CD82: variants seen among roughly 807,000 people sequenced by gnomAD.
CD82 encodes CD82 antigen.
CD82 carries 36 observed loss-of-function variants against 37.4 expected under a neutral mutation model. The ratio of observed to expected loss-of-function variants is 0.96; its 90% CI spans 0.74 to 1.27. The LOEUF (loss-of-function observed/expected upper bound fraction) is 1.27. CD82 is among the 50% of genes most tolerant of loss of function. The pLI, the probability that CD82 is intolerant of heterozygous loss-of-function variation, is 0.00. For missense variants in CD82, 340 were observed against 347.0 expected, an observed-to-expected ratio of 0.98 and a Z score of 0.16; for synonymous variants, 158 against 137.4, an observed-to-expected ratio of 1.15 and a Z score of -1.05.
chr11:44,567,715 G>A (rs12801771), intron 1 of CD82, among the ~76,000 whole-genome samples: 2 of 152,078 alleles, frequency 1.3e-5, no homozygotes, highest in Non-Finnish European at 2.9e-5. Flanking sequence ...CTTCCTGCTC[G>A]ATGAATGACA....
At chr11:44,583,840 G>A (rs1853015268) in intron 1 of CD82, among the ~76,000 whole-genome samples, 1 of 152,156 alleles carries the variant, frequency 6.6e-6, no homozygotes, top group South Asian at 2.1e-4. Flanking sequence ...GATGGCTGCT[G>A]GCCTGTGTTG....
At chr11:44,617,789 C>T (rs1329837851) in intron 7 of CD82, among the ~76,000 whole-genome samples, 1 of 152,114 alleles carries the variant, frequency 6.6e-6, no homozygotes, top group African/African-American at 2.4e-5. Flanking sequence ...TAATTATCCC[C>T]ATTTACAGAT....
intron 3 of CD82, 140 bp downstream of exon 3, chr11:44,594,865 A>C (rs1853199388): frequency 7.3e-6 from 5 of 688,542 alleles, no homozygotes; most frequent in African/African-American, 1.7e-5. Flanking sequence ...AACTATCTCC[A>C]ACGGAACCTA....
At chr11:44,567,536 A>T (rs1293261923) in intron 1 of CD82, among the ~76,000 whole-genome samples, 1 of 152,068 alleles carries the variant, frequency 6.6e-6, no homozygotes, top group Non-Finnish European at 1.5e-5. Flanking sequence ...TTGGATCAAC[A>T]TGGGACCACA....
intron 3 of CD82, among the ~76,000 whole-genome samples, chr11:44,595,239 T>A (rs1853205577): frequency 6.6e-6 from 1 of 152,188 alleles, no homozygotes; most frequent in South Asian, 2.1e-4. Context: ...GAAGGGCACA[T>A]ACCTCCTTCC....
chr11:44,578,390 G>A (rs1852931010), intron 1 of CD82, among the ~76,000 whole-genome samples: 1 of 152,134 alleles, frequency 6.6e-6, no homozygotes, highest in African/African-American at 2.4e-5. Context: ...GTTGCCACAT[G>A]TCCCATGCCT....
chr11:44,570,003 C>A (rs1852791894), intron 1 of CD82, among the ~76,000 whole-genome samples: 1 of 152,206 alleles, frequency 6.6e-6, no homozygotes, highest in African/African-American at 2.4e-5. Flanking sequence ...TTGTTGTTTG[C>A]TGTATCTGGT....
intron 3 of CD82, among the ~76,000 whole-genome samples, chr11:44,599,927 G>A (rs1020232711): frequency 6.6e-6 from 1 of 152,204 alleles, no homozygotes; most frequent in Non-Finnish European, 1.5e-5. Context: ...ACACATGGTG[G>A]AGGGGGGCAA....
At chr11:44,590,091 C>T (rs1007104684) in intron 2 of CD82, among the ~76,000 whole-genome samples, 1 of 151,650 alleles carries the variant, frequency 6.6e-6, no homozygotes, top group Admixed American at 6.6e-5. Context: ...CCTCAGCCTC[C>T]CAAAGTGCTG....
chr11:44,605,787 T>A (rs1853385957), intron 6 of CD82, among the ~76,000 whole-genome samples: 1 of 152,174 alleles, frequency 6.6e-6, no homozygotes, highest in Admixed American at 6.5e-5. Context: ...ATTATCTGAG[T>A]GAAACACATA....
At chr11:44,578,976 A>C (rs774328298) in intron 1 of CD82, among the ~76,000 whole-genome samples, 9 of 152,028 alleles carry the variant, frequency 5.9e-5, no homozygotes, top group Non-Finnish European at 1.3e-4. Context: ...TGGGACCCAG[A>C]TGTTCATTTT....
rs1435061351 is a variant in CD82, at chr11:44,617,563, A to G, written c.439-599A>G. Among the ~76,000 whole-genome samples the G allele has an allele frequency of 6.5e-5, 7 of 108,212 alleles. No homozygotes were observed. The South Asian group carries it at 2.1e-3, about 33-fold the overall frequency. 71.0% of individuals were successfully genotyped at this position (108,212 alleles called of 152,430 possible). ...GACTGAGCAAGACTCTGTCTCAGAA[A>G]AAAAAAAAAAAAAAAAAAAGGCGGA... On this transcript the variant is annotated intron_variant, in intron 7 of 9. Coordinates refer to ENST00000227155, the MANE Select transcript of CD82 (RefSeq NM_002231.4).
intron 1 of CD82, among the ~76,000 whole-genome samples, chr11:44,572,778 G>T (rs1002136197): frequency 6.6e-6 from 1 of 152,204 alleles, no homozygotes; most frequent in African/African-American, 2.4e-5. Flanking sequence ...AATAGGGATG[G>T]GCTGCTGTGA....
At chr11:44,596,818 C>T in intron 3 of CD82, 1 of 441,358 alleles carries the variant, frequency 2.3e-6, no homozygotes, top group South Asian at 1.6e-5. Context: ...CGGAAGAGCC[C>T]TGATTGCTAT....
At chr11:44,618,091 C>T in intron 7 of CD82, 71 bp from the exon 8 acceptor site, 1 of 1,407,702 alleles carries the variant, frequency 7.1e-7, no homozygotes, top group Admixed American at 1.8e-5. Flanking sequence ...GGGAGGTCCT[C>T]CCTCTGCCAG....
intron 1 of CD82, among the ~76,000 whole-genome samples, chr11:44,580,618 C>CA (rs1238314582): frequency 1.3e-5 from 2 of 152,130 alleles, no homozygotes; most frequent in Non-Finnish European, 2.9e-5. Context: ...GAGGCTGAGG[C>CA]AGGAGAGTCT....
At chr11:44,615,105 G>A (rs1156738345) in intron 6 of CD82, among the ~76,000 whole-genome samples, 167 bp from the exon 7 acceptor site, 1 of 152,182 alleles carries the variant, frequency 6.6e-6, no homozygotes, top group Non-Finnish European at 1.5e-5. Context: ...GGAGTGGTTG[G>A]CACTGCCTGC....
intron 1 of CD82, among the ~76,000 whole-genome samples, chr11:44,575,559 A>G (rs939820216): frequency 6.6e-6 from 1 of 152,204 alleles, no homozygotes; most frequent in Non-Finnish European, 1.5e-5. Context: ...GAGAATGTGC[A>G]TTGCTAACAC....
intron 1 of CD82, among the ~76,000 whole-genome samples, chr11:44,577,304 C>T (rs1852907352): frequency 6.6e-6 from 1 of 152,168 alleles, no homozygotes; most frequent in African/African-American, 2.4e-5. Context: ...CACATGGGTG[C>T]CTGGGCCCTG....
Sources: allele counts gnomAD v4.1 joint callset (sites outside exome capture counted in the v4.1 genomes callset), GRCh38; gene constraint gnomAD v4.1.1; transcripts MANE v1.5; gene names NCBI Gene and HGNC (gene_info 2026-07-23, HGNC 2026-07-21).